SYT16: variants seen among roughly 807,000 people sequenced by gnomAD.
The protein encoded by SYT16 is synaptotagmin-16.
A neutral mutation model predicts 61.4 loss-of-function variants in SYT16; 42 were observed. The observed-to-expected ratio is 0.68, with a 90% CI of 0.53 to 0.89. The LOEUF (loss-of-function observed/expected upper bound fraction) is 0.89, where lower values mean the gene tolerates loss of function less well. SYT16 is among the 40% of genes least tolerant of loss of function. SYT16 has a pLI of 0.00. For missense variants in SYT16, 804 were observed against 807.3 expected (o/e 1.00, Z 0.05); for synonymous variants, 314 against 302.3 (o/e 1.04, Z -0.40).
chr14:61,977,486 A>C (rs1468508574), intron 2 of SYT16, among the ~76,000 whole-genome samples: 3 of 152,174 alleles, frequency 2.0e-5, no homozygotes, highest in African/African-American at 7.2e-5. Context: ...CAGCAGGAAG[A>C]AGTGCCAAGC....
chr14:61,912,298 G>T (rs545027876), intron 1 of SYT16, among the ~76,000 whole-genome samples: 14 of 152,328 alleles, frequency 9.2e-5, no homozygotes, highest in Admixed American at 8.5e-4. Context: ...CAGAGGATAG[G>T]ATAGGATTAC....
chr14:61,831,734 T>G (rs1321859617), intron 1 of SYT16: 1 of 165,966 alleles, frequency 6.0e-6, no homozygotes, highest in Non-Finnish European at 1.3e-5. Context: ...TTCTTTTTTT[T>G]TTTCTTTCAG....
intron 2 of SYT16, among the ~76,000 whole-genome samples, chr14:61,986,153 T>C (rs2052299358): frequency 6.6e-6 from 1 of 151,768 alleles, no homozygotes; most frequent in Admixed American, 6.6e-5. Flanking sequence ...CCTAATCTCT[T>C]AATGAAAAAA....
chr14:61,969,057 A>G (rs942592216), intron 1 of SYT16, among the ~76,000 whole-genome samples: 13 of 152,056 alleles, frequency 8.5e-5, no homozygotes, highest in Non-Finnish European at 1.3e-4. Flanking sequence ...GGTTTGATTA[A>G]TCTTTTCTCT....
chr14:62,056,917 C>T (rs1465806815), intron 3 of SYT16, among the ~76,000 whole-genome samples: 2 of 152,176 alleles, frequency 1.3e-5, no homozygotes, highest in Non-Finnish European at 2.9e-5. Flanking sequence ...GCGGCAGCAG[C>T]GAGCAGGGGG....
intron 1 of SYT16, among the ~76,000 whole-genome samples, chr14:61,817,486 G>A (rs2045480698): frequency 6.6e-6 from 1 of 151,854 alleles, no homozygotes; most frequent in Non-Finnish European, 1.5e-5. Flanking sequence ...GAAGCACCGG[G>A]AAGGACACAA....
In SYT16 at chr14:61,812,744, T is replaced by G. The variant is rs933449636; in HGVS notation, c.-391T>G. On this transcript the variant is annotated 5_prime_UTR_variant, in exon 1 of 8. Coordinates refer to ENST00000683842, the MANE Select transcript of SYT16 (RefSeq NM_001367656.1). ...CCGAGGAGCGCGCGCCCGGCCGGGCTCGGCGCCGGTTTCCCGAACCTGGGC... is the reference window on the plus strand; with the variant it reads ...CCGAGGAGCGCGCGCCCGGCCGGGCGCGGCGCCGGTTTCCCGAACCTGGGC... 10 of 149,614 alleles carry G rather than the reference T, an allele frequency of 6.7e-5. No individual in the cohort carries two copies. The highest frequency in any genetic ancestry group is 1.0e-4 in the Non-Finnish European group (7 of 67,360). 9.3% of individuals were successfully genotyped at this position (149,614 alleles called of 1,614,324 possible).
chr14:62,079,748 A>G (rs942797706), intron 5 of SYT16, among the ~76,000 whole-genome samples: 1 of 152,232 alleles, frequency 6.6e-6, no homozygotes, highest in Non-Finnish European at 1.5e-5. Context: ...GGAAAATAGA[A>G]TTATTATTGA....
At chr14:61,934,348 C>T (rs376434087) in intron 1 of SYT16, among the ~76,000 whole-genome samples, 2 of 152,198 alleles carry the variant, frequency 1.3e-5, no homozygotes, top group Non-Finnish European at 2.9e-5. Flanking sequence ...AAATGTTAAT[C>T]ATCTCAAGTT....
chr14:62,050,008 A>T (rs2055196091), intron 3 of SYT16, among the ~76,000 whole-genome samples: 1 of 152,104 alleles, frequency 6.6e-6, no homozygotes. Flanking sequence ...CCTGAATTTG[A>T]ATGTTGGCCT....
At chr14:61,980,010 T>C (rs930263665) in intron 2 of SYT16, among the ~76,000 whole-genome samples, 1 of 152,252 alleles carries the variant, frequency 6.6e-6, no homozygotes, top group Non-Finnish European at 1.5e-5. Context: ...AGAAAACTGA[T>C]ATCTTCTACA....
intron 1 of SYT16, chr14:61,831,870 C>A: frequency 4.4e-6 from 2 of 454,762 alleles, no homozygotes; most frequent in South Asian, 2.1e-5. Context: ...CTCACTTCTT[C>A]CACTCGTTCT....
At chr14:62,029,628 C>A (rs2054234961) in intron 3 of SYT16, among the ~76,000 whole-genome samples, 1 of 152,144 alleles carries the variant, frequency 6.6e-6, no homozygotes, top group Non-Finnish European at 1.5e-5. Context: ...AATGCACACA[C>A]CTGCTTTGCA....
chr14:62,056,627 T>A lies in SYT16; in HGVS notation c.524-12976T>A, dbSNP rs553046214. Reference sequence around the variant, plus strand: ...CACGTAGATGTTCCTGCATAGACTTTCTTTGTAGACACATAAGAAACGGGT... The same window carrying A: ...CACGTAGATGTTCCTGCATAGACTTACTTTGTAGACACATAAGAAACGGGT... On this transcript the variant is annotated intron_variant, in intron 3 of 7. Transcript: ENST00000683842. 5.3e-5 allele frequency among the ~76,000 whole-genome samples: 8 copies of A among 152,308 alleles called. 1 individual carries two copies. Among genetic ancestry groups the A allele is most frequent in the African/African-American group, 1.9e-4 (8 of 41,576 alleles).
Position 61,966,839 on chromosome 14 carries a change from G to A in SYT16, c.-324-3293G>A, listed in dbSNP as rs572955288. ...ACACCCTTGAGGTATGTCTTTCCAGGAGTTTTCACTGACAGGCACATTGGC... is the reference window on the plus strand; with the variant it reads ...ACACCCTTGAGGTATGTCTTTCCAGAAGTTTTCACTGACAGGCACATTGGC... On this transcript the variant is annotated intron_variant, in intron 1 of 7. Coordinates refer to ENST00000683842, the MANE Select transcript of SYT16 (RefSeq NM_001367656.1). Among the ~76,000 whole-genome samples the A allele has an allele frequency of 1.4e-4, 21 of 152,222 alleles. No individual in the cohort carries two copies. In the South Asian group the frequency reaches 4.4e-3, roughly 32 times the overall value.
chr14:61,884,518 A>G (rs1346954542), intron 1 of SYT16, among the ~76,000 whole-genome samples: 1 of 152,232 alleles, frequency 6.6e-6, no homozygotes, highest in Admixed American at 6.5e-5. Context: ...AGTGATAAAC[A>G]GCTTCTCTTC....
intron 3 of SYT16, among the ~76,000 whole-genome samples, chr14:62,025,544 G>C (rs565999756): frequency 6.6e-6 from 1 of 152,032 alleles, no homozygotes; most frequent in Non-Finnish European, 1.5e-5. Flanking sequence ...TCAGTCTGTG[G>C]CATGTCTTAT....
chr14:61,893,515 C>T (rs933307241), intron 1 of SYT16, among the ~76,000 whole-genome samples: 1 of 152,154 alleles, frequency 6.6e-6, no homozygotes, highest in Non-Finnish European at 1.5e-5. Flanking sequence ...GCCTTTGTTT[C>T]CTCCTCTCAT....
chr14:62,104,631 T>C lies in SYT16; in HGVS notation c.*3924T>C, dbSNP rs895822369. ...CTAGCTATCACTTTTCTAAAACTTG[T>C]AGAATTCTGAAAAATATTTAAAGAT... On this transcript the variant is annotated 3_prime_UTR_variant, in exon 8 of 8. Coordinates refer to ENST00000683842, the MANE Select transcript of SYT16 (RefSeq NM_001367656.1). 1.3e-5 allele frequency: 2 copies of C among 152,194 alleles called. No individual in the cohort carries two copies. The highest frequency in any genetic ancestry group is 4.8e-5 in the African/African-American group (2 of 41,446). The allele number at this position is 152,194 out of a possible 1,614,324, so 9.4% of individuals were successfully genotyped here.
Sources: gnomAD v4.1 joint callset for allele counts (sites outside exome capture counted in the v4.1 genomes callset) on GRCh38, gnomAD v4.1.1 for gene constraint, MANE v1.5 for transcripts, NCBI Gene and HGNC (gene_info 2026-07-23, HGNC 2026-07-21) for gene names.